Variants in SLCO1A2 observed in about 807,000 individuals in gnomAD.
The protein encoded by SLCO1A2 is OATP-1.
A neutral mutation model predicts 69.0 loss-of-function variants in SLCO1A2; 67 were observed. The observed-to-expected ratio is 0.97, with a 90% CI of 0.80 to 1.19. SLCO1A2 has a LOEUF of 1.19. Ranked by LOEUF, SLCO1A2 falls within the 50% of genes most tolerant of loss-of-function variation. The pLI is 0.00. For missense variants in SLCO1A2, 787 were observed against 793.7 expected (o/e 0.99, Z 0.10); for synonymous variants, 260 against 265.9 (o/e 0.98, Z 0.22).
intron 2 of SLCO1A2, among the ~76,000 whole-genome samples, chr12:21,356,120 T>C (rs1192603667): frequency 7.2e-5 from 11 of 152,068 alleles, no homozygotes; most frequent in African/African-American, 2.7e-4. Context: ...CACAGCTCTA[T>C]AAGTAACTAG....
At chr12:21,359,725 C>T (rs183019634) in intron 2 of SLCO1A2, among the ~76,000 whole-genome samples, 18 of 148,312 alleles carry the variant, frequency 1.2e-4, no homozygotes, top group East Asian at 5.9e-4. Context: ...CCAGCCTGGG[C>T]GACAGAGCGA....
intron 1 of SLCO1A2, among the ~76,000 whole-genome samples, chr12:21,392,599 G>A (rs1175786547): frequency 6.6e-6 from 1 of 152,106 alleles, no homozygotes; most frequent in Non-Finnish European, 1.5e-5. Flanking sequence ...CTACAGAAAC[G>A]ACTTTTATTT....
chr12:21,408,129 G>C (rs960353184), intron 1 of SLCO1A2, among the ~76,000 whole-genome samples: 1 of 152,078 alleles, frequency 6.6e-6, no homozygotes, highest in African/African-American at 2.4e-5. Context: ...TAGTTACTCT[G>C]GTAAATTTTT....
Position 21,306,788 on chromosome 12 carries a change from A to G in SLCO1A2, c.442+94T>C, listed in dbSNP as rs111254386. ...AGAGAGAACATATCTTTGTTTATTTATCTAACTCAATCAATATCTCATTCA... is the reference window on the plus strand; with the variant it reads ...AGAGAGAACATATCTTTGTTTATTTGTCTAACTCAATCAATATCTCATTCA... On this transcript the variant is annotated intron_variant, in intron 5 of 14. Coordinates refer to ENST00000683939, the MANE Select transcript of SLCO1A2 (RefSeq NM_001386879.1). 4.6e-3 allele frequency: 3,381 copies of G among 738,490 alleles called. 73 individuals carry two copies. The African/African-American group carries it at 0.053, about 12-fold the overall frequency. The allele number at this position is 738,490 out of a possible 1,614,324, so 45.7% of individuals were successfully genotyped here. A position where few individuals can be genotyped will look rare whatever the true frequency, so the allele number is the denominator to read the frequency against.
At chr12:21,348,692 C>G (rs892483340) in intron 2 of SLCO1A2, among the ~76,000 whole-genome samples, 3 of 152,234 alleles carry the variant, frequency 2.0e-5, no homozygotes, top group Admixed American at 2.0e-4. Flanking sequence ...ATTTATCAAC[C>G]ACAAGGAATC....
chr12:21,278,228 A>G (rs1175334007), intron 12 of SLCO1A2, among the ~76,000 whole-genome samples: 1 of 152,020 alleles, frequency 6.6e-6, no homozygotes, highest in Non-Finnish European at 1.5e-5. Context: ...CAGCCACACT[A>G]GCATAGAGCA....
intron 11 of SLCO1A2, among the ~76,000 whole-genome samples, chr12:21,292,740 C>A (rs112645720): frequency 6.6e-6 from 1 of 151,986 alleles, no homozygotes; most frequent in Non-Finnish European, 1.5e-5. Flanking sequence ...GGACTACAGG[C>A]GCCTGCCACC....
chr12:21,363,332 G>A (rs991639236), intron 2 of SLCO1A2, among the ~76,000 whole-genome samples: 4 of 152,144 alleles, frequency 2.6e-5, no homozygotes, highest in African/African-American at 9.7e-5. Flanking sequence ...AAATAAAGAT[G>A]TTCTTTGAAA....
At chr12:21,293,282 G>A (rs910946469) in intron 11 of SLCO1A2, among the ~76,000 whole-genome samples, 2 of 152,036 alleles carry the variant, frequency 1.3e-5, no homozygotes, top group African/African-American at 4.8e-5. Context: ...CAGCTTAGGC[G>A]ACAGAGTGAG....
At chr12:21,348,601 A>G (rs959755660) in intron 2 of SLCO1A2, among the ~76,000 whole-genome samples, 10 of 152,034 alleles carry the variant, frequency 6.6e-5, no homozygotes, top group African/African-American at 2.4e-4. Flanking sequence ...TCCCTTTTTT[A>G]AAAAGGGTTC....
At chr12:21,362,463 C>T (rs1020076223) in intron 2 of SLCO1A2, among the ~76,000 whole-genome samples, 1 of 152,116 alleles carries the variant, frequency 6.6e-6, no homozygotes, top group Non-Finnish European at 1.5e-5. Context: ...TTGTAAAGAC[C>T]ATTGGTACTA....
At chr12:21,367,317 A>G (rs988837497) in intron 2 of SLCO1A2, among the ~76,000 whole-genome samples, 37 of 152,312 alleles carry the variant, frequency 2.4e-4, no homozygotes, top group African/African-American at 8.7e-4. Context: ...ACATAAATCA[A>G]GAAAACTAGA....
intron 1 of SLCO1A2, among the ~76,000 whole-genome samples, chr12:21,375,449 C>T (rs1940122958): frequency 6.6e-6 from 1 of 152,152 alleles, no homozygotes; most frequent in Non-Finnish European, 1.5e-5. Flanking sequence ...ATAAAACTAA[C>T]ATTATTCAAT....
At chr12:21,317,114 G>A (rs1330993304) in intron 3 of SLCO1A2, among the ~76,000 whole-genome samples, 2 of 151,648 alleles carry the variant, frequency 1.3e-5, no homozygotes, top group African/African-American at 4.8e-5. Context: ...TATTACTCCG[G>A]GATCATATGG....
At chr12:21,321,422 CCT>C (rs1289012357) in intron 2 of SLCO1A2, among the ~76,000 whole-genome samples, 1 of 152,194 alleles carries the variant, frequency 6.6e-6, no homozygotes, top group African/African-American at 2.4e-5. Context: ...CTACCTCCAA[CCT>C]CTCTTTCACA....
In SLCO1A2 at chr12:21,314,598, T is replaced by C; in HGVS notation, c.286A>G (p.Met96Val). The change falls in exon 4 of 15, where the codon ATG (methionine) becomes GTG (valine). Residue 96 changes from methionine to valine, a missense_variant. Physicochemically the swap from Met to Val is conservative, Grantham distance 21. Transcript: ENST00000683939. ...PIMIGIGCVV[M>V]GLGCFLKSLP... ...GATTTTAAGAAACAGCCTAAGCCCATAACCACACATCCAATGCCAATCATT... is the reference window on the plus strand; with the variant it reads ...GATTTTAAGAAACAGCCTAAGCCCACAACCACACATCCAATGCCAATCATT... 1 of 1,614,076 alleles carries C rather than the reference T, an allele frequency of 6.2e-7. No individual in the cohort carries two copies. Among genetic ancestry groups the C allele is most frequent in the Non-Finnish European group, 8.5e-7 (1 of 1,179,946 alleles).
intron 2 of SLCO1A2, among the ~76,000 whole-genome samples, chr12:21,363,384 A>G (rs1049805045): frequency 6.6e-6 from 1 of 152,224 alleles, no homozygotes; most frequent in African/African-American, 2.4e-5. Context: ...TCTCTGGGAC[A>G]CATTTAAAGC....
At chr12:21,361,976 A>G (rs1050303937) in intron 2 of SLCO1A2, among the ~76,000 whole-genome samples, 3 of 152,196 alleles carry the variant, frequency 2.0e-5, no homozygotes, top group African/African-American at 7.2e-5. Context: ...ACTCTTCAGG[A>G]TATCATGCCG....
At chr12:21,313,123 TAA>T (rs1373315028) in intron 4 of SLCO1A2, among the ~76,000 whole-genome samples, 2 of 152,174 alleles carry the variant, frequency 1.3e-5, no homozygotes, top group Non-Finnish European at 2.9e-5. Context: ...TAAATGGGCA[TAA>T]GTTAGTGGCA....
Sources: gnomAD v4.1 joint callset for allele counts (sites outside exome capture counted in the v4.1 genomes callset) on GRCh38, gnomAD v4.1.1 for gene constraint, MANE v1.5 for transcripts, NCBI Gene and HGNC (gene_info 2026-07-23, HGNC 2026-07-21) for gene names.